The following PRR16 variants were observed in gnomAD, a reference collection of about 807,000 sequenced individuals.
The protein encoded by PRR16 is protein Largen.
Under a neutral mutation model 18.2 loss-of-function variants are expected in PRR16, and 6 were observed. The observed-to-expected ratio is 0.33, with a 90% CI of 0.18 to 0.65. The LOEUF (loss-of-function observed/expected upper bound fraction) is 0.65. Ranked by LOEUF, PRR16 falls within the 30% of genes least tolerant of loss-of-function variation. The pLI is 0.74. For synonymous variants in PRR16, 151 were observed against 147.8 expected (o/e 1.02, Z -0.16); for missense variants, 412 against 376.6 (o/e 1.09, Z -0.78).
intron 1 of PRR16, among the ~76,000 whole-genome samples, chr5:120,594,605 T>A (rs1162001623): frequency 6.6e-6 from 1 of 152,040 alleles, no homozygotes; most frequent in Non-Finnish European, 1.5e-5. Context: ...AGAAAAAAAC[T>A]ATTTTAAAAT....
At chr5:120,756,203 A>G in the PRR16 span, among the ~76,000 whole-genome samples, 2 of 152,144 alleles carry the variant, frequency 1.3e-5, no homozygotes, top group Admixed American at 1.3e-4. Context: ...TAGGGGACCA[A>G]TCAGAGGTAC....
chr5:120,720,078 T>G, the PRR16 span, among the ~76,000 whole-genome samples: 3 of 151,954 alleles, frequency 2.0e-5, no homozygotes, highest in Non-Finnish European at 4.4e-5. Flanking sequence ...TCTATATTAT[T>G]TTATTGATAT....
At chr5:120,549,934 G>C (rs1396567754) in intron 1 of PRR16, among the ~76,000 whole-genome samples, 1 of 152,016 alleles carries the variant, frequency 6.6e-6, no homozygotes, top group African/African-American at 2.4e-5. Context: ...GAAATGTACA[G>C]TTGTAACTCT....
At chr5:120,668,313 C>G (rs1296966516) in intron 1 of PRR16, among the ~76,000 whole-genome samples, 1 of 151,090 alleles carries the variant, frequency 6.6e-6, no homozygotes, top group East Asian at 1.9e-4. Context: ...CTTGGTAGAT[C>G]TTCCTCCATC....
intron 1 of PRR16, among the ~76,000 whole-genome samples, chr5:120,556,355 G>T (rs111890160): frequency 1.3e-5 from 2 of 150,614 alleles, no homozygotes; most frequent in Non-Finnish European, 3.0e-5. Flanking sequence ...GGCTTTTTGG[G>T]GTGCAGTCTT....
At chr5:120,498,735 T>C (rs1436708734) in intron 1 of PRR16, among the ~76,000 whole-genome samples, 6 of 152,036 alleles carry the variant, frequency 3.9e-5, no homozygotes, top group African/African-American at 1.4e-4. Context: ...TATTTGTTTG[T>C]TTTTAATCCA....
intron 1 of PRR16, among the ~76,000 whole-genome samples, chr5:120,492,255 AGTGTGTGTGTGTGTGT>A (rs3991307): frequency 1.1e-4 from 15 of 138,112 alleles, no homozygotes; most frequent in Admixed American, 2.9e-4. Flanking sequence ...CGCTAATTTG[AGTGTGTGTGTGTGTGT>A]GTGTGTGTGT....
the PRR16 span, among the ~76,000 whole-genome samples, chr5:120,761,090 A>G: frequency 2.0e-5 from 3 of 150,156 alleles, no homozygotes; most frequent in South Asian, 6.3e-4. Context: ...TATACATATA[A>G]AATTTATTAT....
intron 1 of PRR16, among the ~76,000 whole-genome samples, chr5:120,555,738 T>C (rs1026945115): frequency 6.6e-6 from 1 of 150,808 alleles, no homozygotes; most frequent in Non-Finnish European, 1.5e-5. Context: ...GGCCTATCTA[T>C]AAAATGGGTA....
intron 1 of PRR16, among the ~76,000 whole-genome samples, chr5:120,562,377 G>A (rs1378817122): frequency 6.6e-6 from 1 of 151,886 alleles, no homozygotes; most frequent in African/African-American, 2.4e-5. Flanking sequence ...ATTTTTATAG[G>A]AGAAGTGTAT....
the PRR16 span, among the ~76,000 whole-genome samples, chr5:120,697,380 A>G: frequency 1.3e-5 from 2 of 152,244 alleles, no homozygotes; most frequent in African/African-American, 2.4e-5. Context: ...AGATAAAAAT[A>G]TAAGAGATAA....
chr5:120,694,784 A>G, the PRR16 span, among the ~76,000 whole-genome samples: 1 of 152,226 alleles, frequency 6.6e-6, no homozygotes, highest in Non-Finnish European at 1.5e-5. Flanking sequence ...ATAACTTGTA[A>G]TAGCACATGA....
chr5:120,511,767 G>A (rs1431095238), intron 1 of PRR16, among the ~76,000 whole-genome samples: 1 of 152,170 alleles, frequency 6.6e-6, no homozygotes, highest in Non-Finnish European at 1.5e-5. Context: ...CTAGGCAACA[G>A]AGGAGAAATA....
the PRR16 span, among the ~76,000 whole-genome samples, chr5:120,725,539 T>C: frequency 1.3e-5 from 2 of 151,894 alleles, no homozygotes; most frequent in African/African-American, 4.8e-5. Context: ...ATGTCAGGCA[T>C]GGTGTCATGT....
At chr5:120,770,950 T>A in the PRR16 span, among the ~76,000 whole-genome samples, 28 of 148,966 alleles carry the variant, frequency 1.9e-4, no homozygotes, top group African/African-American at 5.5e-4. Flanking sequence ...TCTCTCTCTC[T>A]CACACACACA....
chr5:120,536,066 TTTCA>T, intron 1 of PRR16, among the ~76,000 whole-genome samples: 1 of 152,344 alleles, frequency 6.6e-6, no homozygotes, highest in Non-Finnish European at 1.5e-5. Flanking sequence ...CATCATTTAC[TTTCA>T]TTAAGTGACC....
intron 1 of PRR16, among the ~76,000 whole-genome samples, chr5:120,546,672 T>C (rs1205870345): frequency 6.6e-6 from 1 of 152,114 alleles, no homozygotes; most frequent in African/African-American, 2.4e-5. Flanking sequence ...GCTAGAGATT[T>C]TTTTTTCAGT....
At chr5:120,512,400 T>A (rs1346525705) in intron 1 of PRR16, among the ~76,000 whole-genome samples, 2 of 152,146 alleles carry the variant, frequency 1.3e-5, no homozygotes, top group Non-Finnish European at 2.9e-5. Context: ...GTGGCAGTTC[T>A]CACTCTTGCT....
At chr5:120,731,110 T>A in the PRR16 span, among the ~76,000 whole-genome samples, 2 of 152,166 alleles carry the variant, frequency 1.3e-5, no homozygotes, top group African/African-American at 4.8e-5. Flanking sequence ...AATTGAGGTA[T>A]AAGTTATACT....
Sources: gnomAD v4.1 joint callset for allele counts (sites outside exome capture counted in the v4.1 genomes callset) on GRCh38, gnomAD v4.1.1 for gene constraint, MANE v1.5 for transcripts, NCBI Gene and HGNC (gene_info 2026-07-23, HGNC 2026-07-21) for gene names.